The following SRBD1 variants were observed in gnomAD, a reference collection of about 807,000 sequenced individuals.
SRBD1 encodes the protein S1 RNA binding domain 1.
SRBD1 carries 88 observed loss-of-function variants against 115.3 expected under a neutral mutation model. The ratio of observed to expected loss-of-function variants is 0.76; its 90% CI spans 0.64 to 0.91. The LOEUF is 0.91. SRBD1 is among the 40% of genes least tolerant of loss of function. The probability of loss-of-function intolerance (pLI) is 0.00; values close to 1 mark genes in which losing one functional copy is unlikely to be tolerated. For missense variants in SRBD1, 1,385 were observed against 1,177.4 expected, an observed-to-expected ratio of 1.18 and a Z score of -2.58; for synonymous variants, 509 against 407.7, an observed-to-expected ratio of 1.25 and a Z score of -2.99.
At chr2:45,457,046 T>C (rs1023612223) in intron 16 of SRBD1, among the ~76,000 whole-genome samples, 1 of 151,984 alleles carries the variant, frequency 6.6e-6, no homozygotes, top group Non-Finnish European at 1.5e-5. Context: ...GTATTTTTAA[T>C]GGCTCTATAA....
intron 14 of SRBD1, among the ~76,000 whole-genome samples, chr2:45,538,522 T>C (rs1421247855): frequency 6.6e-6 from 1 of 152,226 alleles, no homozygotes; most frequent in African/African-American, 2.4e-5. Context: ...TTATCTCAAG[T>C]TTGGATCTCT....
intron 14 of SRBD1, among the ~76,000 whole-genome samples, chr2:45,542,365 C>T (rs1047558867): frequency 1.3e-5 from 2 of 152,208 alleles, no homozygotes; most frequent in Non-Finnish European, 1.5e-5. Context: ...GCATCGCAGG[C>T]CCCTGAGAGT....
intron 14 of SRBD1, among the ~76,000 whole-genome samples, chr2:45,526,700 C>T (rs1456744163): frequency 6.6e-6 from 1 of 151,678 alleles, no homozygotes; most frequent in Non-Finnish European, 1.5e-5. Flanking sequence ...TGTCAATCAA[C>T]TCAAAAATAG....
intron 16 of SRBD1, among the ~76,000 whole-genome samples, chr2:45,475,902 T>C (rs1052514537): frequency 3.3e-5 from 5 of 152,176 alleles, no homozygotes; most frequent in African/African-American, 1.2e-4. Context: ...TTTTGTCATG[T>C]TGGCCAGGCT....
rs750174976 is a variant in SRBD1 at position 45,601,886 on chromosome 2, C to A, written c.261+17G>T. The stretch of plus-strand genomic sequence containing the variant: ...GAAGACACTACAGAGTTCCCTCTAT[C>A]CAGCTGTAGCACCTACCAGCTCCTC... On this transcript the variant is annotated intron_variant, in intron 3 of 20. Coordinates refer to ENST00000263736, the MANE Select transcript of SRBD1 (RefSeq NM_018079.5). The A allele has an allele frequency of 5.0e-6, 8 of 1,613,180 alleles. No homozygotes were observed. Among genetic ancestry groups the A allele is most frequent in the Non-Finnish European group, 6.8e-6 (8 of 1,179,456 alleles).
intron 2 of SRBD1, among the ~76,000 whole-genome samples, chr2:45,602,913 A>G (rs1009785223): frequency 2.6e-5 from 4 of 152,232 alleles, no homozygotes; most frequent in African/African-American, 2.4e-5. Context: ...ATGCTCTAGA[A>G]GAGAATAATT....
At chr2:45,520,422 A>G (rs566263998) in intron 14 of SRBD1, among the ~76,000 whole-genome samples, 1 of 152,212 alleles carries the variant, frequency 6.6e-6, no homozygotes, top group Non-Finnish European at 1.5e-5. Flanking sequence ...TTCTGGTGAC[A>G]GTTACAAGAT....
chr2:45,570,403 G>A (rs550366874), intron 9 of SRBD1, among the ~76,000 whole-genome samples: 2 of 152,210 alleles, frequency 1.3e-5, no homozygotes, highest in Non-Finnish European at 2.9e-5. Context: ...CATTAAACAA[G>A]GTAATAAAGA....
rs551242828 is a variant in SRBD1, at chr2:45,433,322, A to G, written c.2050-13428T>C. ...ACTGTGTGAGGTAATACATTTGTTA[A>G]TTAGCAAGAGTTAATCATTTCACAA... On this transcript the variant is annotated intron_variant, in intron 16 of 20. Coordinates refer to ENST00000263736, the MANE Select transcript of SRBD1 (RefSeq NM_018079.5). 5.3e-5 allele frequency among the ~76,000 whole-genome samples: 8 copies of G among 152,318 alleles called. No homozygotes were observed. The South Asian group carries it at 6.2e-4, about 12-fold the overall frequency.
chr2:45,518,236 G>C (rs1020736891), intron 14 of SRBD1, among the ~76,000 whole-genome samples: 5 of 152,024 alleles, frequency 3.3e-5, no homozygotes, highest in Non-Finnish European at 7.4e-5. Flanking sequence ...ATTCACCCAA[G>C]AGCATAAAAC....
chr2:45,424,252 G>T lies in SRBD1; in HGVS notation c.2050-4358C>A, dbSNP rs1008676212. Among the ~76,000 whole-genome samples the T allele has an allele frequency of 7.2e-5, 11 of 152,102 alleles. No homozygotes were observed. The South Asian group carries it at 2.3e-3, about 32-fold the overall frequency. On this transcript the variant is annotated intron_variant, in intron 16 of 20. Transcript: ENST00000263736. The stretch of plus-strand genomic sequence containing the variant: ...CTTTGTGCTAGGCAGCTTCCAAGAT[G>T]GTTCCCAATGATCCTCAAATCCTGG...
At chr2:45,411,488 T>C (rs1667601226) in intron 19 of SRBD1, among the ~76,000 whole-genome samples, 1 of 152,064 alleles carries the variant, frequency 6.6e-6, no homozygotes. Flanking sequence ...AATTGTATGG[T>C]AGAGGGAGAA....
intron 16 of SRBD1, among the ~76,000 whole-genome samples, chr2:45,448,326 T>G (rs752221078): frequency 7.9e-5 from 12 of 152,148 alleles, no homozygotes; most frequent in Admixed American, 2.6e-4. Flanking sequence ...ATAATATATT[T>G]TATTATAAAC....
At chr2:45,506,014 T>C (rs1245358324) in intron 14 of SRBD1, among the ~76,000 whole-genome samples, 1 of 152,172 alleles carries the variant, frequency 6.6e-6, no homozygotes, top group Non-Finnish European at 1.5e-5. Flanking sequence ...ACAATTGGCA[T>C]GATAGTATAC....
rs1372818943 is a variant in SRBD1 at position 45,467,509 on chromosome 2, T to G, written c.2049+9484A>C. Among the ~76,000 whole-genome samples, 9 of 152,306 alleles carry G rather than the reference T, an allele frequency of 5.9e-5. No individual in the cohort carries two copies. The Middle Eastern group carries it at 0.014, about 230-fold the overall frequency. ...CCAACTCTGCCCTGTATATAAGCAC[T>G]AGAAATTTGGCAGTCTACAGGTTTG... On this transcript the variant is annotated intron_variant, in intron 16 of 20. Transcript: ENST00000263736.
chr2:45,603,967 C>T (rs1377846011), intron 2 of SRBD1, among the ~76,000 whole-genome samples: 1 of 152,196 alleles, frequency 6.6e-6, no homozygotes, highest in Non-Finnish European at 1.5e-5. Flanking sequence ...GATTCCACCA[C>T]TCTCACACCT....
intron 14 of SRBD1, among the ~76,000 whole-genome samples, chr2:45,517,921 A>G (rs986538655): frequency 6.6e-6 from 1 of 151,978 alleles, no homozygotes; most frequent in Non-Finnish European, 1.5e-5. Context: ...GGATCCCTTG[A>G]GCCTGGGAGG....
At position 45,545,297 on chromosome 2, in the gene SRBD1, A is replaced by AAAAAC. The variant is rs1342424717; in HGVS notation, c.1874+1434_1874+1435insGTTTT. 2.0e-5 allele frequency among the ~76,000 whole-genome samples: 3 copies of AAAAAC among 147,188 alleles called. 1 individual carries two copies. Among genetic ancestry groups the AAAAAC allele is most frequent in the African/African-American group, 7.6e-5 (3 of 39,604 alleles). ...TCTGTCTCAATTAAAAAAAAAAAAA[A>AAAAAC]AAAAAAAAAAAAAAAAAACAGATGA... On this transcript the variant is annotated intron_variant, in intron 14 of 20. Coordinates refer to ENST00000263736, the MANE Select transcript of SRBD1 (RefSeq NM_018079.5).
At chr2:45,597,005 C>CACAT (rs1180884594) in intron 4 of SRBD1, among the ~76,000 whole-genome samples, 2 of 151,304 alleles carry the variant, frequency 1.3e-5, no homozygotes, top group African/African-American at 4.8e-5. Flanking sequence ...CACACACACA[C>CACAT]ACACACACAC....
Sources: allele counts gnomAD v4.1 joint callset (sites outside exome capture counted in the v4.1 genomes callset), GRCh38; gene constraint gnomAD v4.1.1; transcripts MANE v1.5; gene names NCBI Gene and HGNC (gene_info 2026-07-23, HGNC 2026-07-21).